NTRK3: variants seen among roughly 807,000 people sequenced by gnomAD.
The protein encoded by NTRK3 is neurotrophic receptor tyrosine kinase 3, also known as NT-3 growth factor receptor.
A neutral mutation model predicts 91.7 loss-of-function variants in NTRK3; 24 were observed. The observed-to-expected ratio is 0.26, with a 90% confidence interval of 0.19 to 0.37. The LOEUF (loss-of-function observed/expected upper bound fraction) is 0.37. NTRK3 is among the 10% of genes least tolerant of loss of function. The pLI is 1.00. For synonymous variants in NTRK3, 483 were observed against 404.0 expected (o/e 1.20, Z -2.34); for missense variants, 880 against 1,068.9 (o/e 0.82, Z 2.46).
chr15:88,085,929 C>T (rs914059108), intron 13 of NTRK3, among the ~76,000 whole-genome samples: 1 of 152,162 alleles, frequency 6.6e-6, no homozygotes, highest in Non-Finnish European at 1.5e-5. Context: ...GAAGCAGACA[C>T]ATAAAGAGAA....
At chr15:88,128,464 A>T (rs926824072) in intron 11 of NTRK3, among the ~76,000 whole-genome samples, 8 of 152,110 alleles carry the variant, frequency 5.3e-5, no homozygotes, top group African/African-American at 1.9e-4. Flanking sequence ...GAGATCCACA[A>T]CATCATCAGA....
chr15:88,190,926 G>A (rs898248373), intron 3 of NTRK3, among the ~76,000 whole-genome samples: 1 of 152,164 alleles, frequency 6.6e-6, no homozygotes, highest in Non-Finnish European at 1.5e-5. Context: ...TAGGATCTAA[G>A]GGAATATGAA....
chr15:88,090,451 A>G (rs1271066497), intron 13 of NTRK3, among the ~76,000 whole-genome samples: 4 of 152,188 alleles, frequency 2.6e-5, no homozygotes, highest in African/African-American at 7.2e-5. Context: ...GGCAACGTAG[A>G]TAAGCATTCT....
intron 17 of NTRK3, among the ~76,000 whole-genome samples, chr15:87,893,419 GTTCTAC>G (rs1254532685): frequency 3.3e-5 from 5 of 152,312 alleles, no homozygotes; most frequent in Middle Eastern, 3.4e-3. Flanking sequence ...CAGGCTCCAG[GTTCTAC>G]TTGGGGCAGA....
chr15:87,979,206 G>C, intron 14 of NTRK3: 1 of 751,562 alleles, frequency 1.3e-6, no homozygotes, highest in Non-Finnish European at 2.4e-6. Flanking sequence ...GGTGTTAAAG[G>C]GTGCCGGGGC....
Position 87,867,607 on chromosome 15 carries a change from T to A in NTRK3, c.*9328A>T, listed in dbSNP as rs2064718744. 1.3e-5 allele frequency: 3 copies of A among 229,202 alleles called. No homozygotes were observed. The East Asian group carries it at 1.9e-4, about 14-fold the overall frequency. 14.2% of individuals were successfully genotyped at this position (229,202 alleles called of 1,614,324 possible). A position where few individuals can be genotyped will look rare whatever the true frequency, so the allele number is the denominator to read the frequency against. On this transcript the variant is annotated 3_prime_UTR_variant, in exon 19 of 19. Coordinates refer to ENST00000394480, the Ensembl canonical transcript of NTRK3. ...TGCAACTAGTTGTCAGATGCCCACATTAAGCTAAGGACACTCAAGTGACAA... is the reference window on the plus strand; with the variant it reads ...TGCAACTAGTTGTCAGATGCCCACAATAAGCTAAGGACACTCAAGTGACAA...
intron 3 of NTRK3, among the ~76,000 whole-genome samples, chr15:88,228,956 C>T (rs189215372): frequency 2.0e-4 from 30 of 152,158 alleles, no homozygotes; most frequent in African/African-American, 6.7e-4. Context: ...TGGGGAGCTC[C>T]CTCCTTTGCT....
intron 3 of NTRK3, among the ~76,000 whole-genome samples, chr15:88,196,042 G>T (rs1028272846): frequency 2.0e-5 from 3 of 152,180 alleles, no homozygotes; most frequent in Non-Finnish European, 4.4e-5. Flanking sequence ...AAGGCGAATT[G>T]GTGAGTGAGC....
chr15:88,101,697 A>G (rs2050191503), intron 13 of NTRK3, among the ~76,000 whole-genome samples: 1 of 152,238 alleles, frequency 6.6e-6, no homozygotes, highest in South Asian at 2.1e-4. Flanking sequence ...ATAAAAAATG[A>G]TGAGTTCGTG....
chr15:88,138,629 C>T (rs1161629171), intron 6 of NTRK3, among the ~76,000 whole-genome samples: 2 of 152,138 alleles, frequency 1.3e-5, no homozygotes, highest in Admixed American at 1.3e-4. Flanking sequence ...GTTCCTACCC[C>T]AGGACCTTTG....
At chr15:88,066,956 C>T in intron 13 of NTRK3, among the ~76,000 whole-genome samples, 1 of 152,190 alleles carries the variant, frequency 6.6e-6, no homozygotes, top group Non-Finnish European at 1.5e-5. Context: ...TCCACTGGCC[C>T]TTCCACATTC....
intron 14 of NTRK3, among the ~76,000 whole-genome samples, chr15:88,000,892 G>C (rs1424521541): frequency 6.6e-6 from 1 of 152,150 alleles, no homozygotes; most frequent in Non-Finnish European, 1.5e-5. Flanking sequence ...AGGTCATATG[G>C]TAATTCAATG....
chr15:88,207,395 C>A (rs2048884298), intron 3 of NTRK3, among the ~76,000 whole-genome samples: 1 of 152,224 alleles, frequency 6.6e-6, no homozygotes, highest in Non-Finnish European at 1.5e-5. Context: ...AGAGCCCAAA[C>A]ACACCCTTAC....
intron 14 of NTRK3, among the ~76,000 whole-genome samples, chr15:88,002,344 T>C (rs2076171700): frequency 6.6e-6 from 1 of 152,068 alleles, no homozygotes. Context: ...TGGAAGGCCT[T>C]GTTCAAAAAA....
intron 14 of NTRK3, among the ~76,000 whole-genome samples, chr15:87,994,527 T>A (rs1180611860): frequency 6.6e-6 from 1 of 152,160 alleles, no homozygotes; most frequent in Non-Finnish European, 1.5e-5. Flanking sequence ...CTGGAACAGA[T>A]CCTTCCCTAG....
intron 14 of NTRK3, among the ~76,000 whole-genome samples, chr15:88,002,493 C>G (rs2076182363): frequency 6.6e-6 from 1 of 151,936 alleles, no homozygotes. Flanking sequence ...ATTAATATAT[C>G]TAACTAACAC....
At chr15:87,985,998 T>C (rs1369464399) in intron 14 of NTRK3, among the ~76,000 whole-genome samples, 5 of 152,144 alleles carry the variant, frequency 3.3e-5, no homozygotes, top group Non-Finnish European at 7.4e-5. Context: ...TTCCACTCCA[T>C]AACATGGGTG....
At chr15:88,084,879 C>T (rs1384195142) in intron 13 of NTRK3, among the ~76,000 whole-genome samples, 1 of 152,182 alleles carries the variant, frequency 6.6e-6, no homozygotes, top group African/African-American at 2.4e-5. Context: ...CCACATCCTC[C>T]CTTTGACAAG....
intron 6 of NTRK3, among the ~76,000 whole-genome samples, chr15:88,146,710 A>T (rs1238232075): frequency 1.3e-5 from 2 of 152,198 alleles, no homozygotes; most frequent in African/African-American, 4.8e-5. Context: ...CCACATGCAG[A>T]TTGAAAAAAT....
Sources: allele counts gnomAD v4.1 joint callset (sites outside exome capture counted in the v4.1 genomes callset), GRCh38; gene constraint gnomAD v4.1.1; transcripts MANE v1.5; gene names NCBI Gene and HGNC (gene_info 2026-07-23, HGNC 2026-07-21).